Variants in CTNNA3 observed in about 807,000 individuals in gnomAD.
The protein encoded by CTNNA3 is catenin alpha-3.
CTNNA3 carries 76 observed loss-of-function variants against 95.7 expected under a neutral mutation model. That is an observed-to-expected ratio of 0.79 (90% confidence interval 0.66 to 0.96). The LOEUF (loss-of-function observed/expected upper bound fraction) is 0.96. Ranked by LOEUF, CTNNA3 falls within the 40% of genes least tolerant of loss-of-function variation. The pLI is 0.00. For synonymous variants in CTNNA3, 431 were observed against 374.4 expected, an observed-to-expected ratio of 1.15 and a Z score of -1.74; for missense variants, 1,191 against 1,089.8, an observed-to-expected ratio of 1.09 and a Z score of -1.31.
chr10:67,743,268 C>A (rs1440986838), intron 1 of CTNNA3, among the ~76,000 whole-genome samples: 3 of 151,074 alleles, frequency 2.0e-5, no homozygotes. Context: ...TACTGGCAAA[C>A]CAAATCCAGC....
intron 13 of CTNNA3, among the ~76,000 whole-genome samples, chr10:66,278,162 T>C (rs2091430429): frequency 7.0e-6 from 1 of 142,680 alleles, no homozygotes; most frequent in Admixed American, 7.4e-5. Flanking sequence ...CAAATCAAAA[T>C]AAAGGATGCA....
intron 5 of CTNNA3, among the ~76,000 whole-genome samples, chr10:67,308,998 G>A (rs1228869273): frequency 1.3e-5 from 2 of 152,082 alleles, no homozygotes; most frequent in Non-Finnish European, 2.9e-5. Context: ...ATCTTTGAAA[G>A]GTGCTCATAT....
chr10:67,070,593 G>C (rs1171751716), intron 7 of CTNNA3, among the ~76,000 whole-genome samples: 2 of 151,766 alleles, frequency 1.3e-5, no homozygotes, highest in Non-Finnish European at 2.9e-5. Flanking sequence ...GTAAAATACA[G>C]AAAATTAGCT....
At chr10:67,397,478 A>C (rs950413506) in intron 5 of CTNNA3, among the ~76,000 whole-genome samples, 2 of 152,172 alleles carry the variant, frequency 1.3e-5, no homozygotes, top group African/African-American at 4.8e-5. Context: ...TGGCAGAATA[A>C]ATTTCTAAGT....
At chr10:67,367,460 T>C (rs1843258502) in intron 5 of CTNNA3, among the ~76,000 whole-genome samples, 1 of 151,594 alleles carries the variant, frequency 6.6e-6, no homozygotes, top group African/African-American at 2.4e-5. Context: ...GCCTATAAAC[T>C]GTTTGTGGGA....
In CTNNA3 at chr10:66,868,363, C is replaced by T. The variant is rs188709145; in HGVS notation, c.1048-92839G>A. Among the ~76,000 whole-genome samples, 985 of 145,572 alleles carry T rather than the reference C, an allele frequency of 6.8e-3. 17 individuals carry two copies. The highest frequency in any genetic ancestry group is 0.025 in the African/African-American group (940 of 37,974). On this transcript the variant is annotated intron_variant, in intron 7 of 17. Coordinates refer to ENST00000433211, the MANE Select transcript of CTNNA3 (RefSeq NM_013266.4). ...CTGTGCAACAAGAGCAAAACTCTGTCGCAAAAATTAAAAAAAAAATAAAAA... is the reference window on the plus strand; with the variant it reads ...CTGTGCAACAAGAGCAAAACTCTGTTGCAAAAATTAAAAAAAAAATAAAAA...
chr10:67,751,251 G>T (rs1240685387), intron 1 of CTNNA3: 1 of 1,231,996 alleles, frequency 8.1e-7, no homozygotes, highest in Non-Finnish European at 1.2e-6. Flanking sequence ...CTCCTGGTGA[G>T]ATTACACAGG....
intron 1 of CTNNA3, among the ~76,000 whole-genome samples, chr10:67,655,219 C>G (rs541145473): frequency 7.7e-4 from 118 of 152,318 alleles, no homozygotes; most frequent in Admixed American, 2.9e-3. Context: ...CAAGTTTAAA[C>G]TATTCTGATC....
chr10:67,726,626 T>C (rs1589582367), intron 1 of CTNNA3, among the ~76,000 whole-genome samples: 2 of 4,886 alleles, frequency 4.1e-4, no homozygotes, highest in African/African-American at 7.3e-4. Flanking sequence ...ATAATATATA[T>C]TATATTATAT....
intron 9 of CTNNA3, among the ~76,000 whole-genome samples, chr10:66,645,415 T>G (rs1381872334): frequency 1.3e-5 from 2 of 152,198 alleles, no homozygotes; most frequent in Non-Finnish European, 2.9e-5. Flanking sequence ...TCGGAACTCA[T>G]TTTGCTGCCT....
intron 11 of CTNNA3, among the ~76,000 whole-genome samples, chr10:66,420,835 A>AAATTAATAAATAAATT: frequency 1.1e-5 from 1 of 93,008 alleles, no homozygotes; most frequent in South Asian, 3.8e-4. Context: ...ATAAATAAAT[A>AAATTAATAAATAAATT]AATAAAAAAC....
At chr10:66,063,511 TAGAG>T (rs1218966910) in intron 15 of CTNNA3, among the ~76,000 whole-genome samples, 2 of 151,470 alleles carry the variant, frequency 1.3e-5, no homozygotes, top group South Asian at 2.1e-4. Flanking sequence ...TTTACTCTTT[TAGAG>T]AGAGATTTCT....
intron 7 of CTNNA3, among the ~76,000 whole-genome samples, chr10:66,930,873 T>C (rs576851710): frequency 2.6e-5 from 4 of 152,268 alleles, no homozygotes; most frequent in East Asian, 1.9e-4. Flanking sequence ...CATGAAATTA[T>C]GGGAAAAAAG....
chr10:67,102,540 A>G (rs79148800), intron 7 of CTNNA3, among the ~76,000 whole-genome samples: 2,664 of 151,908 alleles, frequency 0.018, 83 homozygotes, highest in East Asian at 0.12. Flanking sequence ...GAGTGCCTCA[A>G]CCATCTAGGA....
intron 12 of CTNNA3, among the ~76,000 whole-genome samples, chr10:66,327,537 T>C (rs543062840): frequency 5.9e-5 from 9 of 152,156 alleles, no homozygotes; most frequent in Admixed American, 2.6e-4. Context: ...TGAAATTTCA[T>C]TGTACATGTG....
chr10:67,151,373 A>G (rs1369799918), intron 7 of CTNNA3, among the ~76,000 whole-genome samples: 4 of 152,158 alleles, frequency 2.6e-5, no homozygotes, highest in Non-Finnish European at 2.9e-5. Flanking sequence ...TTCCTTTATT[A>G]TTTCAAAAAG....
chr10:66,657,939 C>T (rs1846124583), intron 9 of CTNNA3, among the ~76,000 whole-genome samples: 1 of 152,046 alleles, frequency 6.6e-6, no homozygotes, highest in Non-Finnish European at 1.5e-5. Flanking sequence ...AGTCCTTGTA[C>T]TTTTTTTGCT....
rs866874724 is a variant in CTNNA3 at position 66,390,718 on chromosome 10, G to A, written c.1532-11366C>T. On this transcript the variant is annotated intron_variant, in intron 11 of 17. Transcript: ENST00000433211. ...GCAAATAGAATGCATTAGTGTGTGA[G>A]TTAATTGTTGCTTATCTATGTACTT... Among the ~76,000 whole-genome samples the A allele has an allele frequency of 2.6e-5, 4 of 152,244 alleles. No individual in the cohort carries two copies. The South Asian group carries it at 8.3e-4, about 32-fold the overall frequency.
At chr10:67,638,922 G>T (rs1411970323) in intron 2 of CTNNA3, among the ~76,000 whole-genome samples, 4 of 152,128 alleles carry the variant, frequency 2.6e-5, no homozygotes, top group Non-Finnish European at 4.4e-5. Flanking sequence ...ATCTAAAATT[G>T]ACACCCTAAC....
Sources: allele counts gnomAD v4.1 joint callset (sites outside exome capture counted in the v4.1 genomes callset), GRCh38; gene constraint gnomAD v4.1.1; transcripts MANE v1.5; gene names NCBI Gene and HGNC (gene_info 2026-07-23, HGNC 2026-07-21).